Variants in SLC25A26 observed in about 807,000 individuals in gnomAD.
The protein encoded by SLC25A26 is solute carrier family 25 member 26.
SLC25A26 carries 36 observed loss-of-function variants against 37.8 expected under a neutral mutation model. The ratio of observed to expected loss-of-function variants is 0.95; its 90% CI spans 0.73 to 1.26. SLC25A26 has a LOEUF of 1.26. Ranked by LOEUF, SLC25A26 falls within the 50% of genes most tolerant of loss-of-function variation. The pLI, the probability that SLC25A26 is intolerant of heterozygous loss-of-function variation, is 0.00. For missense variants in SLC25A26, 390 were observed against 331.1 expected (o/e 1.18, Z -1.38); for synonymous variants, 129 against 122.5 (o/e 1.05, Z -0.35).
chr3:66,142,198 C>T (rs2070045734), intron 1 of SLC25A26, among the ~76,000 whole-genome samples: 1 of 152,202 alleles, frequency 6.6e-6, no homozygotes, highest in African/African-American at 2.4e-5. Flanking sequence ...CTAGATTTAC[C>T]TATTCTGCAC....
chr3:66,263,491 T>A, intron 5 of SLC25A26, 112 bp downstream of exon 5: 2 of 713,306 alleles, frequency 2.8e-6, no homozygotes, highest in African/African-American at 1.8e-5. Context: ...GTTTAAAAAA[T>A]CAAAAAGGGA....
At chr3:66,369,037 A>C (rs984614116) in intron 7 of SLC25A26, among the ~76,000 whole-genome samples, 1 of 23,078 alleles carries the variant, frequency 4.3e-5, no homozygotes. Context: ...AAAAAAAAAA[A>C]AAAAAACAAA....
chr3:66,142,329 A>T (rs2070047986), intron 1 of SLC25A26, among the ~76,000 whole-genome samples: 1 of 152,214 alleles, frequency 6.6e-6, no homozygotes, highest in Non-Finnish European at 1.5e-5. Context: ...CTTCATTCTG[A>T]TGGTGTTCAG....
intron 1 of SLC25A26, among the ~76,000 whole-genome samples, chr3:66,160,621 A>G (rs1374300764): frequency 1.3e-5 from 2 of 152,212 alleles, no homozygotes; most frequent in Non-Finnish European, 1.5e-5. Flanking sequence ...TTGGCTTAAT[A>G]CACAATTATG....
intron 5 of SLC25A26, among the ~76,000 whole-genome samples, chr3:66,311,848 G>T (rs1194987758): frequency 5.9e-5 from 9 of 152,130 alleles, no homozygotes; most frequent in Non-Finnish European, 1.5e-5. Context: ...CTTGCTGCCT[G>T]CTCCTTCCTC....
At chr3:66,348,388 C>T (rs975692847) in intron 6 of SLC25A26, among the ~76,000 whole-genome samples, 4 of 152,136 alleles carry the variant, frequency 2.6e-5, no homozygotes, top group Non-Finnish European at 5.9e-5. Context: ...ACATATGTAT[C>T]TAGGTTGCAA....
At chr3:66,370,975 C>G (rs547495887) in intron 9 of SLC25A26, among the ~76,000 whole-genome samples, 1 of 152,292 alleles carries the variant, frequency 6.6e-6, no homozygotes, top group South Asian at 2.1e-4. Flanking sequence ...ATGCTTTTAA[C>G]TATTATTAGT....
chr3:66,263,229 T>C (rs1483067437), intron 4 of SLC25A26, 103 bp from the exon 5 acceptor site: 1 of 785,552 alleles, frequency 1.3e-6, no homozygotes, highest in Non-Finnish European at 2.2e-6. Context: ...CAATTGTGAA[T>C]GTTCTAGAAC....
chr3:66,264,795 G>A (rs749541374), intron 5 of SLC25A26, among the ~76,000 whole-genome samples: 2 of 152,116 alleles, frequency 1.3e-5, no homozygotes, highest in South Asian at 4.1e-4. Flanking sequence ...TGAGCCCTTG[G>A]CTTCTTGATA....
upstream of SLC25A26, among the ~76,000 whole-genome samples, chr3:66,216,113 C>A (rs1048077331): frequency 2.5e-3 from 388 of 152,300 alleles, 1 homozygote; most frequent in African/African-American, 9.2e-3. Context: ...GCCATCATGA[C>A]CTAATTGCCT....
intron 6 of SLC25A26, among the ~76,000 whole-genome samples, chr3:66,355,548 G>T (rs2076555337): frequency 1.3e-5 from 2 of 152,292 alleles, no homozygotes; most frequent in African/African-American, 2.4e-5. Flanking sequence ...AAGAGCTATG[G>T]TGTGGCGGAA....
rs1420713675 is a variant in SLC25A26, at chr3:66,256,829, G to A, written c.301-5222G>A. ...AGGATCACTTGGGCCCAGGACTGAG[G>A]CTGCAGTGAGCTTTGACCATGCCAC... On this transcript the variant is annotated intron_variant, in intron 3 of 9. Transcript: ENST00000354883. Among the ~76,000 whole-genome samples, 3 of 152,174 alleles carry A rather than the reference G, an allele frequency of 2.0e-5. No homozygotes were observed. In the East Asian group the frequency reaches 5.8e-4, roughly 29 times the overall value.
intron 5 of SLC25A26, among the ~76,000 whole-genome samples, chr3:66,296,477 A>C (rs980674248): frequency 6.6e-6 from 1 of 152,250 alleles, no homozygotes; most frequent in Non-Finnish European, 1.5e-5. Flanking sequence ...CATAAAATTT[A>C]CTTTATTAAT....
chr3:66,266,213 T>C (rs988554968), intron 5 of SLC25A26, among the ~76,000 whole-genome samples: 6 of 152,182 alleles, frequency 3.9e-5, no homozygotes, highest in Non-Finnish European at 7.4e-5. Context: ...ACAGATTCTG[T>C]GATAGAATGA....
chr3:66,267,046 G>A (rs1445810334), intron 5 of SLC25A26, among the ~76,000 whole-genome samples: 2 of 152,122 alleles, frequency 1.3e-5, no homozygotes, highest in African/African-American at 4.8e-5. Flanking sequence ...GGGTCTTGGG[G>A]CACTACAAGG....
intron 1 of SLC25A26, among the ~76,000 whole-genome samples, chr3:66,156,701 T>C (rs984941221): frequency 3.9e-5 from 6 of 152,062 alleles, no homozygotes; most frequent in Non-Finnish European, 7.3e-5. Flanking sequence ...TTTGTAACTC[T>C]TTTTTTGGAA....
intron 5 of SLC25A26, among the ~76,000 whole-genome samples, chr3:66,288,825 C>G (rs1351990726): frequency 3.9e-5 from 6 of 152,098 alleles, no homozygotes; most frequent in Non-Finnish European, 5.9e-5. Context: ...GATATATAAT[C>G]TGTTGGGTAT....
chr3:66,168,795 A>T (rs1559558381), intron 1 of SLC25A26, among the ~76,000 whole-genome samples: 3 of 152,200 alleles, frequency 2.0e-5, no homozygotes. Flanking sequence ...ATTGATCGAT[A>T]GCCATGCAGG....
chr3:66,333,432 A>G (rs909657912), intron 5 of SLC25A26, among the ~76,000 whole-genome samples: 1 of 152,070 alleles, frequency 6.6e-6, no homozygotes, highest in African/African-American at 2.4e-5. Flanking sequence ...TTAATCTACT[A>G]TATGGTTTAT....
Sources: gnomAD v4.1 joint callset for allele counts (sites outside exome capture counted in the v4.1 genomes callset) on GRCh38, gnomAD v4.1.1 for gene constraint, MANE v1.5 for transcripts, NCBI Gene and HGNC (gene_info 2026-07-23, HGNC 2026-07-21) for gene names.